Variants in CPNE4 observed in about 807,000 individuals in gnomAD.
CPNE4 encodes the protein copine 4, also known as copine-4.
CPNE4 carries 25 observed loss-of-function variants against 67.9 expected under a neutral mutation model. The observed-to-expected ratio is 0.37, with a 90% CI of 0.27 to 0.51. The LOEUF (loss-of-function observed/expected upper bound fraction) is 0.51, where lower values mean the gene tolerates loss of function less well. Among genes scored for constraint, CPNE4 ranks in the 20% least tolerant of loss-of-function variants. The pLI is 0.93. For synonymous variants in CPNE4, 242 were observed against 244.9 expected (o/e 0.99, Z 0.11); for missense variants, 464 against 690.8 (o/e 0.67, Z 3.68).
At chr3:131,854,856 T>A (rs1266352952) in intron 2 of CPNE4, among the ~76,000 whole-genome samples, 1 of 151,680 alleles carries the variant, frequency 6.6e-6, no homozygotes, top group African/African-American at 2.4e-5. Context: ...CTTCTTTTTC[T>A]TTTGAGGGTC....
intron 2 of CPNE4, among the ~76,000 whole-genome samples, chr3:131,844,302 C>G (rs993932437): frequency 5.3e-5 from 8 of 151,122 alleles, no homozygotes; most frequent in African/African-American, 1.9e-4. Flanking sequence ...GCTCCGTCAC[C>G]CAGGCTGGAG....
chr3:131,857,543 C>T (rs1171700643), intron 2 of CPNE4, among the ~76,000 whole-genome samples: 2 of 151,968 alleles, frequency 1.3e-5, no homozygotes, highest in Non-Finnish European at 2.9e-5. Flanking sequence ...TTCTCAGTCT[C>T]CCTGAGCCTT....
chr3:132,012,590 G>T (rs2107678968), intron 1 of CPNE4, among the ~76,000 whole-genome samples: 1 of 152,304 alleles, frequency 6.6e-6, no homozygotes, highest in South Asian at 2.1e-4. Flanking sequence ...GACACAAGTT[G>T]TGAAAGCCAC....
chr3:131,798,635 GA>G (rs2083986988), intron 2 of CPNE4, among the ~76,000 whole-genome samples: 1 of 151,932 alleles, frequency 6.6e-6, no homozygotes, highest in Non-Finnish European at 1.5e-5. Context: ...AGTCTGATAT[GA>G]TAGTTTTTTG....
intron 2 of CPNE4, among the ~76,000 whole-genome samples, chr3:131,773,274 T>C (rs917236855): frequency 2.0e-5 from 3 of 152,196 alleles, no homozygotes; most frequent in African/African-American, 4.8e-5. Context: ...ATACCTGTTT[T>C]ATTTTAATAA....
intron 1 of CPNE4, among the ~76,000 whole-genome samples, chr3:131,996,112 T>C (rs558532391): frequency 2.0e-5 from 3 of 152,352 alleles, no homozygotes; most frequent in African/African-American, 7.2e-5. Context: ...CTTGAAGTAA[T>C]TGGCTGTGAC....
chr3:131,911,545 G>GTGTGTA (rs1215663367), intron 1 of CPNE4, among the ~76,000 whole-genome samples: 1 of 13,192 alleles, frequency 7.6e-5, no homozygotes, highest in Non-Finnish European at 2.4e-4. Context: ...ACTCCAAGTT[G>GTGTGTA]TGTGTGTGTG....
intron 2 of CPNE4, among the ~76,000 whole-genome samples, chr3:131,816,799 C>A (rs1358964297): frequency 6.6e-6 from 1 of 152,206 alleles, no homozygotes; most frequent in African/African-American, 2.4e-5. Flanking sequence ...TAAATGCCAA[C>A]TTCTACCCCT....
At chr3:131,892,797 C>T (rs1377740822) in intron 2 of CPNE4, among the ~76,000 whole-genome samples, 1 of 151,680 alleles carries the variant, frequency 6.6e-6, no homozygotes, top group East Asian at 1.9e-4. Flanking sequence ...GTATTAGCCC[C>T]ATGGTAACTA....
chr3:131,773,768 C>T (rs1018861733), intron 2 of CPNE4, among the ~76,000 whole-genome samples: 1 of 152,074 alleles, frequency 6.6e-6, no homozygotes, highest in Admixed American at 6.6e-5. Flanking sequence ...AATCCCCTAT[C>T]CAAAGCATCT....
intron 2 of CPNE4, among the ~76,000 whole-genome samples, chr3:131,725,332 T>C (rs1244503493): frequency 6.6e-5 from 10 of 152,212 alleles, no homozygotes; most frequent in Admixed American, 6.5e-4. Context: ...CCTGCCATTA[T>C]TGGTTGGATG....
intron 3 of CPNE4, 25 bp downstream of exon 3, chr3:131,723,421 G>T: frequency 6.2e-7 from 1 of 1,606,868 alleles, no homozygotes; most frequent in East Asian, 2.2e-5. Flanking sequence ...TGGCAAGGAG[G>T]AGGAAGGGAT....
chr3:131,902,077 T>G (rs888196876), intron 2 of CPNE4, among the ~76,000 whole-genome samples: 1 of 19,320 alleles, frequency 5.2e-5, no homozygotes, highest in African/African-American at 2.0e-4. Context: ...ACTTTGGTTT[T>G]ATTATTATTA....
intron 1 of CPNE4, among the ~76,000 whole-genome samples, chr3:131,997,433 T>A (rs1399985111): frequency 6.6e-6 from 1 of 152,134 alleles, no homozygotes; most frequent in African/African-American, 2.4e-5. Flanking sequence ...AATATTCAGT[T>A]AGTTTTCCTT....
intron 2 of CPNE4, among the ~76,000 whole-genome samples, chr3:131,862,604 T>G (rs1472802135): frequency 6.6e-6 from 1 of 152,056 alleles, no homozygotes; most frequent in South Asian, 2.1e-4. Flanking sequence ...TATAATGCCA[T>G]GTACTATCTG....
intron 1 of CPNE4, among the ~76,000 whole-genome samples, chr3:131,946,426 G>A (rs921733350): frequency 1.3e-5 from 2 of 152,090 alleles, no homozygotes; most frequent in African/African-American, 4.8e-5. Context: ...TCATTCACCT[G>A]TTGATGGACA....
chr3:131,824,669 G>C (rs777969571), intron 2 of CPNE4, among the ~76,000 whole-genome samples: 1 of 152,166 alleles, frequency 6.6e-6, no homozygotes, highest in East Asian at 1.9e-4. Context: ...AGCAGATTAA[G>C]CATATGAATC....
intron 2 of CPNE4, among the ~76,000 whole-genome samples, chr3:131,771,318 G>A (rs923627819): frequency 6.6e-6 from 1 of 152,026 alleles, no homozygotes; most frequent in Non-Finnish European, 1.5e-5. Flanking sequence ...GTTATAGTTG[G>A]TATGTTTGAC....
intron 2 of CPNE4, among the ~76,000 whole-genome samples, chr3:131,780,215 TTA>T (rs1465434773): frequency 1.3e-5 from 2 of 152,114 alleles, no homozygotes; most frequent in Non-Finnish European, 2.9e-5. Context: ...AAAGGAACAC[TTA>T]TACACTGCTG....
Sources: gnomAD v4.1 joint callset for allele counts (sites outside exome capture counted in the v4.1 genomes callset) on GRCh38, gnomAD v4.1.1 for gene constraint, MANE v1.5 for transcripts, NCBI Gene and HGNC (gene_info 2026-07-23, HGNC 2026-07-21) for gene names.